HADH: variants seen among roughly 807,000 people sequenced by gnomAD.
The protein encoded by HADH is hydroxyacyl-CoA dehydrogenase.
A neutral mutation model predicts 32.2 loss-of-function variants in HADH; 24 were observed. That is an observed-to-expected ratio of 0.75 (90% CI 0.54 to 1.05). The LOEUF (loss-of-function observed/expected upper bound fraction) is 1.05, where lower values mean the gene tolerates loss of function less well. HADH is among the 50% of genes least tolerant of loss of function. HADH has a pLI of 0.00. For synonymous variants in HADH, 139 were observed against 152.5 expected, an observed-to-expected ratio of 0.91 and a Z score of 0.65; for missense variants, 350 against 397.1, an observed-to-expected ratio of 0.88 and a Z score of 1.01.
At chr4:108,020,000 A>G (rs892104082) in intron 4 of HADH, among the ~76,000 whole-genome samples, 1 of 152,224 alleles carries the variant, frequency 6.6e-6, no homozygotes, top group African/African-American at 2.4e-5. Flanking sequence ...GGGCAGCTAC[A>G]TGTGTTCATA....
chr4:108,027,728 A>T lies in HADH; in HGVS notation c.677A>T (p.Tyr226Phe), dbSNP rs1255896178. 1 of 1,609,820 alleles carries T rather than the reference A, an allele frequency of 6.2e-7. No homozygotes were observed. The highest frequency in any genetic ancestry group is 8.5e-7 in the Non-Finnish European group (1 of 1,176,180). The change falls in exon 6 of 8, where the codon TAC (tyrosine) becomes TTC (phenylalanine). Residue 226 changes from tyrosine (Y) to phenylalanine (F), a missense_variant. Coordinates refer to ENST00000309522, the MANE Select transcript of HADH (RefSeq NM_005327.7). ...GFIVNRLLVP[Y>F]LMEAIRLYER... is the part of the protein sequence containing the mutation. ...ATTGTGAACCGCCTCCTGGTTCCAT[A>T]CCTCATGGAAGCAATCAGGCTGTAT... is the stretch of plus-strand genomic sequence containing the variant.
chr4:108,033,970 A>G (rs538497058), intron 7 of HADH, among the ~76,000 whole-genome samples: 3 of 152,340 alleles, frequency 2.0e-5, no homozygotes, highest in African/African-American at 7.2e-5. Flanking sequence ...GGCCGTAGTG[A>G]TTTCTGAGAA....
chr4:108,027,619 G>A, intron 5 of HADH, 69 bp from the exon 6 acceptor site: 2 of 964,542 alleles, frequency 2.1e-6, no homozygotes, highest in East Asian at 2.4e-5. Flanking sequence ...GGGGCAATTT[G>A]GTGACTTCAC....
chr4:107,997,344 G>T (rs1487700869), intron 1 of HADH, among the ~76,000 whole-genome samples: 3 of 152,190 alleles, frequency 2.0e-5, no homozygotes, highest in Non-Finnish European at 4.4e-5. Flanking sequence ...TGAGGGAGGA[G>T]ATGGGAGGGA....
rs1289258166 is a variant in HADH, at chr4:107,990,735, GTCTC to G, written c.132+677_132+680del. On this transcript the variant is annotated intron_variant, in intron 1 of 7. Coordinates refer to ENST00000309522, the MANE Select transcript of HADH (RefSeq NM_005327.7). ...CGATTTTGGCGCTGCAGCGGAATAA[GTCTC>G]TCTCTTTTTTTTTTTTTTTTTTTTT... Among the ~76,000 whole-genome samples, 303 of 146,578 alleles carry G rather than the reference GTCTC, an allele frequency of 2.1e-3. 3 individuals carry two copies. The highest frequency in any genetic ancestry group is 7.1e-3 in the African/African-American group (279 of 39,456).
At chr4:108,018,562 T>C (rs1735771752) in intron 3 of HADH, among the ~76,000 whole-genome samples, 1 of 152,120 alleles carries the variant, frequency 6.6e-6, no homozygotes, top group African/African-American at 2.4e-5. Context: ...CTTTTACCTC[T>C]TTTCCCTCCT....
At chr4:108,011,810 C>G (rs1241277725) in intron 2 of HADH, among the ~76,000 whole-genome samples, 4 of 152,148 alleles carry the variant, frequency 2.6e-5, no homozygotes, top group Non-Finnish European at 5.9e-5. Flanking sequence ...CCAACACTTG[C>G]TATTTTCCAT....
At chr4:108,004,858 A>G (rs1341449068) in intron 1 of HADH, 45 of 1,535,866 alleles carry the variant, frequency 2.9e-5, no homozygotes, top group Non-Finnish European at 3.8e-5. Context: ...GGAGATGTTA[A>G]GGGTTGGGAG....
intron 4 of HADH, among the ~76,000 whole-genome samples, chr4:108,020,862 C>T (rs746231020): frequency 6.6e-6 from 1 of 152,168 alleles, no homozygotes; most frequent in African/African-American, 2.4e-5. Context: ...TTCATTATTG[C>T]CTTTTCCAAC....
At chr4:108,017,884 C>T (rs1735749115) in intron 3 of HADH, among the ~76,000 whole-genome samples, 1 of 152,084 alleles carries the variant, frequency 6.6e-6, no homozygotes, top group Admixed American at 6.5e-5. Context: ...AAAGACTGTC[C>T]TATGTGTTTA....
At chr4:108,022,165 A>ATGTGTGTGTGTGTGTGTGTGTG (rs771719177) in intron 4 of HADH, among the ~76,000 whole-genome samples, 1 of 121,240 alleles carries the variant, frequency 8.2e-6, no homozygotes, top group African/African-American at 2.9e-5. Flanking sequence ...TTACATATAT[A>ATGTGTGTGTGTGTGTGTGTGTG]TATGTGTGTG....
At chr4:108,015,463 T>C (rs1735662458) in intron 3 of HADH, among the ~76,000 whole-genome samples, 1 of 152,238 alleles carries the variant, frequency 6.6e-6, no homozygotes, top group Non-Finnish European at 1.5e-5. Context: ...CCCCTGGACA[T>C]TCTTGACAGA....
chr4:108,005,386 A>G (rs1370181595), intron 1 of HADH: 7 of 160,778 alleles, frequency 4.4e-5, no homozygotes, highest in Non-Finnish European at 8.2e-5. Context: ...TGAAGAAAGA[A>G]AAATGGTGGG....
chr4:107,998,659 G>A (rs1430991427), intron 1 of HADH, among the ~76,000 whole-genome samples: 1 of 152,166 alleles, frequency 6.6e-6, no homozygotes, highest in Non-Finnish European at 1.5e-5. Flanking sequence ...CAGATGTAGG[G>A]AGCTACTGGC....
chr4:107,991,620 G>T (rs1296888480), intron 1 of HADH, among the ~76,000 whole-genome samples: 1 of 151,606 alleles, frequency 6.6e-6, no homozygotes, highest in Non-Finnish European at 1.5e-5. Flanking sequence ...CTAGGTTATA[G>T]TATCCCCATA....
At chr4:108,006,877 A>T (rs1270096625) in intron 1 of HADH, among the ~76,000 whole-genome samples, 1 of 152,176 alleles carries the variant, frequency 6.6e-6, no homozygotes, top group East Asian at 1.9e-4. Flanking sequence ...TGAGGGTGGT[A>T]TGTGTTAGTT....
chr4:108,000,297 C>T (rs1735081481), intron 1 of HADH, among the ~76,000 whole-genome samples: 1 of 152,204 alleles, frequency 6.6e-6, no homozygotes, highest in Non-Finnish European at 1.5e-5. Context: ...GTATGTACAG[C>T]TATTACATAT....
chr4:108,023,528 A>C lies in HADH; in HGVS notation c.601A>C (p.Ser201Arg), dbSNP rs1735962672. 1 of 1,611,598 alleles carries C rather than the reference A, an allele frequency of 6.2e-7. No homozygotes were observed. The highest frequency in any genetic ancestry group is 8.5e-7 in the Non-Finnish European group (1 of 1,177,702). The change falls in exon 5 of 8, where the codon AGC (serine) becomes CGC (arginine). Residue 201 changes from serine to arginine, a missense_variant. Ser to Arg is a moderately radical substitution (Grantham distance 110, BLOSUM62 -1). Transcript: ENST00000309522. ...GACATTTGAATCTTTGGTAGACTTTAGCAAAGCCCTAGGAAAGCATCCTGT... is the reference window on the plus strand; with the variant it reads ...GACATTTGAATCTTTGGTAGACTTTCGCAAAGCCCTAGGAAAGCATCCTGT... The part of the protein sequence containing the change: ...QKTFESLVDF[S>R]KALGKHPVSC...
chr4:108,032,399 T>C, intron 6 of HADH: 1 of 1,527,658 alleles, frequency 6.5e-7, no homozygotes, highest in Non-Finnish European at 9.1e-7. Flanking sequence ...AAAAGGTTTG[T>C]GTGAAATGTG....
Sources: gnomAD v4.1 joint callset for allele counts (sites outside exome capture counted in the v4.1 genomes callset) on GRCh38, gnomAD v4.1.1 for gene constraint, MANE v1.5 for transcripts, NCBI Gene and HGNC (gene_info 2026-07-23, HGNC 2026-07-21) for gene names.